Variants in UBQLN1 observed in about 807,000 individuals in gnomAD.
UBQLN1 encodes ubiquilin-1.
Under a neutral mutation model 65.4 loss-of-function variants are expected in UBQLN1, and 13 were observed. The ratio of observed to expected loss-of-function variants is 0.20; its 90% CI spans 0.13 to 0.32. UBQLN1 has a LOEUF of 0.32. Ranked by LOEUF, UBQLN1 falls within the 10% of genes least tolerant of loss-of-function variation. The pLI is 1.00. For synonymous variants in UBQLN1, 267 were observed against 247.8 expected (o/e 1.08, Z -0.73); for missense variants, 561 against 724.0 (o/e 0.77, Z 2.58).
Position 83,662,273 on chromosome 9 carries a change from TACACACACACAC to T in UBQLN1, c.1618-346_1618-335del, listed in dbSNP as rs370539805. Among the ~76,000 whole-genome samples, 363 of 143,432 alleles carry T rather than the reference TACACACACACAC, an allele frequency of 2.5e-3. 1 individual carries two copies. The highest frequency in any genetic ancestry group is 7.0e-3 in the Middle Eastern group (2 of 286). The allele number at this position is 143,432 out of a possible 152,430, so 94.1% of individuals were successfully genotyped here. On this transcript the variant is annotated intron_variant, in intron 10 of 10. Transcript: ENST00000376395. ...GTGTGTGTGTATATACATATACATA[TACACACACACAC>T]ACACACACACACACACACACACACA...
At position 83,668,197 on chromosome 9, in the gene UBQLN1, T is replaced by C. The variant is rs1389506712; in HGVS notation, c.1248+988A>G. Reference sequence around the variant, plus strand: ...CAAAAATTCTTCTTAAAATTTGTTATTTCCAATTCCACAAATTTGGTGAGG... The same window carrying C: ...CAAAAATTCTTCTTAAAATTTGTTACTTCCAATTCCACAAATTTGGTGAGG... On this transcript the variant is annotated intron_variant, in intron 7 of 10. Coordinates refer to ENST00000376395, the MANE Select transcript of UBQLN1 (RefSeq NM_013438.5). 6.1e-6 allele frequency: 6 copies of C among 985,142 alleles called. No individual in the cohort carries two copies. The East Asian group carries it at 4.5e-4, about 74-fold the overall frequency. The allele number at this position is 985,142 out of a possible 1,614,324, so 61.0% of individuals were successfully genotyped here.
chr9:83,664,486 C>T (rs924542372), intron 9 of UBQLN1, among the ~76,000 whole-genome samples: 1 of 151,996 alleles, frequency 6.6e-6, no homozygotes, highest in African/African-American at 2.4e-5. Flanking sequence ...ACAATCATAG[C>T]CAGGCACTGT....
intron 1 of UBQLN1, among the ~76,000 whole-genome samples, chr9:83,699,448 G>C (rs117000243): frequency 6.6e-6 from 1 of 152,062 alleles, no homozygotes; most frequent in Non-Finnish European, 1.5e-5. Flanking sequence ...GCTCAACCTT[G>C]CTGGACTAGC....
chr9:83,694,973 A>C (rs1257433383), intron 1 of UBQLN1, among the ~76,000 whole-genome samples: 1 of 152,198 alleles, frequency 6.6e-6, no homozygotes, highest in Non-Finnish European at 1.5e-5. Flanking sequence ...CCAAAACAAT[A>C]AATCATAAAA....
At chr9:83,697,394 TA>T (rs1163390190) in intron 1 of UBQLN1, among the ~76,000 whole-genome samples, 4 of 150,652 alleles carry the variant, frequency 2.7e-5, no homozygotes, top group Non-Finnish European at 4.4e-5. Flanking sequence ...CTACTAAAAA[TA>T]CAAAAAATTA....
intron 7 of UBQLN1, chr9:83,668,708 G>C (rs1587639482): frequency 1.2e-6 from 1 of 860,836 alleles, no homozygotes; most frequent in African/African-American, 1.8e-5. Flanking sequence ...ATCAATAGTT[G>C]AAAGAAGGAG....
At chr9:83,705,593 G>A (rs1251815570) in intron 1 of UBQLN1, among the ~76,000 whole-genome samples, 1 of 152,126 alleles carries the variant, frequency 6.6e-6, no homozygotes, top group African/African-American at 2.4e-5. Context: ...ACATACAATT[G>A]CCCTATGACC....
chr9:83,683,196 A>G, intron 2 of UBQLN1, 130 bp from the exon 3 acceptor site: 1 of 517,874 alleles, frequency 1.9e-6, no homozygotes, highest in Non-Finnish European at 3.5e-6. Flanking sequence ...GCTGATCACG[A>G]GGTCAAGAGA....
At chr9:83,697,732 C>CT (rs1832242325) in intron 1 of UBQLN1, among the ~76,000 whole-genome samples, 3 of 113,740 alleles carry the variant, frequency 2.6e-5, no homozygotes, top group African/African-American at 1.1e-4. Flanking sequence ...TTTTTTGTAC[C>CT]CTTTTTTTTT....
intron 1 of UBQLN1, among the ~76,000 whole-genome samples, chr9:83,703,442 A>G (rs1832344706): frequency 6.6e-6 from 1 of 152,194 alleles, no homozygotes; most frequent in South Asian, 2.1e-4. Context: ...TAAAATGTAC[A>G]TGAAATATAA....
Position 83,677,964 on chromosome 9 carries a change from G to A in UBQLN1, c.871-3C>T, listed in dbSNP as rs1282616128. On this transcript the variant is annotated splice_polypyrimidine_tract_variant and splice_region_variant and intron_variant, in intron 5 of 10. Transcript: ENST00000376395. ...GAAGCAAATGGATTACCACCAAACTGTAATAAAAGACATAAAAAATCACAA... is the reference window on the plus strand; with the variant it reads ...GAAGCAAATGGATTACCACCAAACTATAATAAAAGACATAAAAAATCACAA... 3 of 1,573,372 alleles carry A rather than the reference G, an allele frequency of 1.9e-6. No homozygotes were observed. Among genetic ancestry groups the A allele is most frequent in the South Asian group, 1.1e-5 (1 of 86,992 alleles).
At chr9:83,664,072 T>A (rs367828979) in intron 9 of UBQLN1, 29 bp from the exon 10 acceptor site, 1 of 1,592,404 alleles carries the variant, frequency 6.3e-7, no homozygotes, top group African/African-American at 1.4e-5. Flanking sequence ...GGAAATATCC[T>A]AAGGTCCTGC....
intron 1 of UBQLN1, among the ~76,000 whole-genome samples, chr9:83,704,074 C>T (rs1439426762): frequency 6.6e-6 from 1 of 152,126 alleles, no homozygotes. Flanking sequence ...AGAGCATAAG[C>T]CTTCAATATT....
chr9:83,671,704 G>C (rs1399630497), intron 6 of UBQLN1, among the ~76,000 whole-genome samples: 5 of 151,816 alleles, frequency 3.3e-5, no homozygotes, highest in Non-Finnish European at 7.4e-5. Flanking sequence ...ACAGAGCATA[G>C]GCAGAATAGA....
chr9:83,695,034 G>A (rs1832186500), intron 1 of UBQLN1, among the ~76,000 whole-genome samples: 1 of 151,862 alleles, frequency 6.6e-6, no homozygotes, highest in Non-Finnish European at 1.5e-5. Flanking sequence ...GACTACCAAG[G>A]TAACACAAGT....
rs1167949457 is a variant in UBQLN1, at chr9:83,661,995, CAT to C, written c.1618-58_1618-57del. ...CTAAAGGAAGCCAGTCCCTGCCACA[CAT>C]GACTTTTAAAATTTTTTAATTGCTT... On this transcript the variant is annotated intron_variant, in intron 10 of 10. Transcript: ENST00000376395. The C allele has an allele frequency of 5.2e-5, 80 of 1,532,320 alleles. No individual in the cohort carries two copies. The Middle Eastern group carries it at 5.2e-4, about 10-fold the overall frequency. The allele number at this position is 1,532,320 out of a possible 1,614,324, so 94.9% of individuals were successfully genotyped here. A position where few individuals can be genotyped will look rare whatever the true frequency, so the allele number is the denominator to read the frequency against.
intron 6 of UBQLN1, among the ~76,000 whole-genome samples, chr9:83,672,798 A>T (rs571537577): frequency 6.6e-6 from 1 of 152,358 alleles, no homozygotes; most frequent in East Asian, 1.9e-4. Context: ...GCAAACCTTC[A>T]AACTGTGAAA....
At chr9:83,692,381 G>A (rs189863559) in intron 1 of UBQLN1, among the ~76,000 whole-genome samples, 133 of 152,002 alleles carry the variant, frequency 8.7e-4, no homozygotes, top group Non-Finnish European at 1.7e-3. Flanking sequence ...ACATTTGAAC[G>A]TAACTTCCTT....
intron 8 of UBQLN1, 119 bp from the exon 9 acceptor site, chr9:83,665,264 T>A: frequency 1.7e-6 from 1 of 604,340 alleles, no homozygotes; most frequent in Non-Finnish European, 2.7e-6. Context: ...TGGACACTGG[T>A]AATCCATAAT....
Sources: allele counts gnomAD v4.1 joint callset (sites outside exome capture counted in the v4.1 genomes callset), GRCh38; gene constraint gnomAD v4.1.1; transcripts MANE v1.5; gene names NCBI Gene and HGNC (gene_info 2026-07-23, HGNC 2026-07-21).